TRA2A: variants seen among roughly 807,000 people sequenced by gnomAD.
TRA2A encodes the protein transformer 2 alpha homolog, also known as transformer-2 protein homolog alpha.
Under a neutral mutation model 45.7 loss-of-function variants are expected in TRA2A, and 31 were observed. That is an observed-to-expected ratio of 0.68 (90% CI 0.51 to 0.92). TRA2A has a LOEUF of 0.92. Among genes scored for constraint, TRA2A ranks in the 40% least tolerant of loss-of-function variants. The probability of loss-of-function intolerance (pLI) is 0.00; values close to 1 mark genes in which losing one functional copy is unlikely to be tolerated. For synonymous variants in TRA2A, 132 were observed against 126.2 expected (o/e 1.05, Z -0.31); for missense variants, 304 against 367.5 (o/e 0.83, Z 1.41).
chr7:23,517,251 G>A (rs140617009), intron 2 of TRA2A, among the ~76,000 whole-genome samples: 3,255 of 151,590 alleles, frequency 0.021, 128 homozygotes, highest in African/African-American at 0.076. Flanking sequence ...GTGAGGCCGA[G>A]GCGGGCGGAT....
intron 4 of TRA2A, among the ~76,000 whole-genome samples, chr7:23,510,011 G>A (rs1789523434): frequency 6.6e-6 from 1 of 152,084 alleles, no homozygotes; most frequent in Non-Finnish European, 1.5e-5. Context: ...AGGCGACAGG[G>A]CAAAGAGCAA....
chr7:23,531,981 T>G lies in TRA2A; in HGVS notation c.-157A>C, dbSNP rs1484243488. 2.7e-6 allele frequency: 2 copies of G among 743,104 alleles called. No individual in the cohort carries two copies. The highest frequency in any genetic ancestry group is 5.5e-5 in the Admixed American group (2 of 36,222). The allele number at this position is 743,104 out of a possible 1,614,324, so 46.0% of individuals were successfully genotyped here. Reference sequence around the variant, plus strand: ...CACTCGGTCGCAGGCTCCAGCAAAATGGCGCCGGCGCCGCCAGAAATCTCC... The same window carrying G: ...CACTCGGTCGCAGGCTCCAGCAAAAGGGCGCCGGCGCCGCCAGAAATCTCC... On this transcript the variant is annotated 5_prime_UTR_variant, in exon 1 of 8. Transcript: ENST00000297071.
intron 1 of TRA2A, chr7:23,531,444 G>A: frequency 2.8e-6 from 1 of 357,478 alleles, no homozygotes; most frequent in Admixed American, 4.6e-5. Flanking sequence ...GGAGCTCCCT[G>A]CCGCCTCCTC....
intron 1 of TRA2A, among the ~76,000 whole-genome samples, chr7:23,524,017 G>C (rs1461318864): frequency 6.6e-6 from 1 of 152,126 alleles, no homozygotes; most frequent in Non-Finnish European, 1.5e-5. Context: ...AGGAGGCTTT[G>C]CTCTGTAAAA....
chr7:23,525,148 C>G (rs17150424), intron 1 of TRA2A, among the ~76,000 whole-genome samples: 1 of 152,262 alleles, frequency 6.6e-6, no homozygotes, highest in African/African-American at 2.4e-5. Flanking sequence ...TTTCACTGAA[C>G]TCTGCATTAG....
chr7:23,508,056 C>T (rs1294428083), intron 4 of TRA2A, among the ~76,000 whole-genome samples: 4 of 152,066 alleles, frequency 2.6e-5, no homozygotes, highest in Admixed American at 2.6e-4. Context: ...AACCTGCCCC[C>T]AATCTTATTC....
intron 2 of TRA2A, among the ~76,000 whole-genome samples, chr7:23,517,334 C>T (rs924199403): frequency 6.6e-6 from 1 of 150,694 alleles, no homozygotes. Flanking sequence ...AAAAAATTAG[C>T]TGGGCATGGT....
chr7:23,528,726 G>C (rs1790443722), intron 1 of TRA2A, among the ~76,000 whole-genome samples: 1 of 150,126 alleles, frequency 6.7e-6, no homozygotes, highest in Non-Finnish European at 1.5e-5. Flanking sequence ...GGAGTGCAGT[G>C]ATGCGATCTC....
intron 4 of TRA2A, among the ~76,000 whole-genome samples, chr7:23,511,981 T>C (rs989440329): frequency 6.6e-5 from 10 of 152,236 alleles, no homozygotes; most frequent in Non-Finnish European, 1.2e-4. Context: ...GAATTATTTT[T>C]TAAAAGTTAA....
At chr7:23,517,582 AT>A (rs1258149624) in intron 2 of TRA2A, among the ~76,000 whole-genome samples, 2 of 149,652 alleles carry the variant, frequency 1.3e-5, no homozygotes, top group African/African-American at 4.9e-5. Flanking sequence ...CCACACTTCT[AT>A]TTTAAAAAAA....
At chr7:23,508,346 T>C (rs189817515) in intron 4 of TRA2A, among the ~76,000 whole-genome samples, 43 of 149,928 alleles carry the variant, frequency 2.9e-4, no homozygotes, top group African/African-American at 1.1e-3. Context: ...TAGTTCACTG[T>C]GGCCTCAAAC....
At chr7:23,527,008 T>C (rs988538000) in intron 1 of TRA2A, among the ~76,000 whole-genome samples, 1 of 152,168 alleles carries the variant, frequency 6.6e-6, no homozygotes, top group Non-Finnish European at 1.5e-5. Flanking sequence ...GGTTCATAAG[T>C]CTCATAGCTT....
chr7:23,510,857 A>C (rs578093856), intron 4 of TRA2A, among the ~76,000 whole-genome samples: 2 of 152,256 alleles, frequency 1.3e-5, no homozygotes, highest in South Asian at 2.1e-4. Flanking sequence ...AAAAAAAATC[A>C]TAAGACTGAC....
intron 2 of TRA2A, among the ~76,000 whole-genome samples, chr7:23,517,585 T>TA (rs1789942961): frequency 1.3e-5 from 2 of 148,814 alleles, no homozygotes; most frequent in Non-Finnish European, 3.0e-5. Flanking sequence ...CACTTCTATT[T>TA]TAAAAAAAAA....
intron 6 of TRA2A, 54 bp from the exon 7 acceptor site, chr7:23,505,867 G>A (rs1358096924): frequency 1.8e-6 from 2 of 1,128,346 alleles, no homozygotes; most frequent in African/African-American, 1.6e-5. Context: ...CACTGAGGCA[G>A]ATGAAAATAA....
intron 5 of TRA2A, among the ~76,000 whole-genome samples, chr7:23,506,951 A>G (rs188249417): frequency 6.6e-6 from 1 of 151,716 alleles, no homozygotes; most frequent in Non-Finnish European, 1.5e-5. Context: ...AATTTTTTGT[A>G]TTTTTAGTAG....
intron 1 of TRA2A, among the ~76,000 whole-genome samples, chr7:23,527,328 C>T (rs1790379435): frequency 6.6e-6 from 1 of 152,022 alleles, no homozygotes; most frequent in South Asian, 2.1e-4. Flanking sequence ...CCATATTTCC[C>T]TTTAGTATTC....
At chr7:23,521,226 C>T (rs1034220188) in intron 2 of TRA2A, among the ~76,000 whole-genome samples, 5 of 152,048 alleles carry the variant, frequency 3.3e-5, no homozygotes, top group Non-Finnish European at 5.9e-5. Context: ...TTCTGACCAA[C>T]CAGCATAGCA....
At chr7:23,507,975 G>A (rs1191867504) in intron 4 of TRA2A, among the ~76,000 whole-genome samples, 4 of 152,174 alleles carry the variant, frequency 2.6e-5, no homozygotes, top group African/African-American at 9.6e-5. Context: ...AGTCTCCAGC[G>A]ATTTCACTTA....
Sources: gnomAD v4.1 joint callset for allele counts (sites outside exome capture counted in the v4.1 genomes callset) on GRCh38, gnomAD v4.1.1 for gene constraint, MANE v1.5 for transcripts, NCBI Gene and HGNC (gene_info 2026-07-23, HGNC 2026-07-21) for gene names.